The following KIF19 variants were observed in gnomAD, a reference collection of about 807,000 sequenced individuals.
KIF19 encodes the protein kinesin family member 19.
A neutral mutation model predicts 106.6 loss-of-function variants in KIF19; 98 were observed. That is an observed-to-expected ratio of 0.92 (90% CI 0.78 to 1.09). The LOEUF (loss-of-function observed/expected upper bound fraction) is 1.09, where lower values mean the gene tolerates loss of function less well. Ranked by LOEUF, KIF19 falls within the 50% of genes least tolerant of loss-of-function variation. KIF19 has a pLI of 0.00. For synonymous variants in KIF19, 516 were observed against 584.2 expected, an observed-to-expected ratio of 0.88 and a Z score of 1.68; for missense variants, 1,373 against 1,414.3, an observed-to-expected ratio of 0.97 and a Z score of 0.47.
rs2054525981 is a variant in KIF19, at chr17:74,346,218, C to A, written c.778-160C>A. On this transcript the variant is annotated intron_variant, in intron 7 of 19. Coordinates refer to ENST00000389916, the MANE Select transcript of KIF19 (RefSeq NM_153209.4). This position sits in a 1 kb window ranked among gnomAD's most constrained non-coding sequence, Gnocchi z 4.6. ...TTCAGAGGCCTCTGGGTCTCTTAAC[C>A]TTCTCCAATGCCCTCAGTGGCCTTG... Among the ~76,000 whole-genome samples the A allele has an allele frequency of 6.6e-6, 1 of 152,248 alleles. No homozygotes were observed. Among genetic ancestry groups the A allele is most frequent in the Non-Finnish European group, 1.5e-5 (1 of 68,048 alleles).
intron 2 of KIF19, among the ~76,000 whole-genome samples, chr17:74,332,179 AGTGTGT>A (rs1270595840): frequency 2.5e-5 from 3 of 117,708 alleles, no homozygotes; most frequent in Non-Finnish European, 3.7e-5. Flanking sequence ...TGAACACCTC[AGTGTGT>A]GTGTGTGTGT....
intron 2 of KIF19, among the ~76,000 whole-genome samples, chr17:74,330,545 G>A (rs924467111): frequency 5.9e-5 from 9 of 152,190 alleles, no homozygotes; most frequent in East Asian, 5.8e-4. Context: ...TCAGGTCCTC[G>A]GGGTTGGGAC....
intron 1 of KIF19, 58 bp downstream of exon 1, chr17:74,326,446 TC>T: frequency 6.5e-7 from 1 of 1,548,162 alleles, no homozygotes; most frequent in Non-Finnish European, 8.9e-7. Flanking sequence ...TCAGTCGGCC[TC>T]CAGCGACAGA....
chr17:74,349,241 G>C lies in KIF19; in HGVS notation c.1105G>C (p.Ala369Pro). Residue 369 changes from alanine to proline, a missense_variant, in exon 10 of 20, where the codon GCT becomes CCT. By Grantham distance (27) the Ala-to-Pro change is conservative (BLOSUM62 -1). Transcript: ENST00000389916. ...CATCGCCCAGTACACCAGCATCATC[G>C]CTGACCTGCGGGGCGAGATCCAGCG... ...YHIAQYTSII[A>P]DLRGEIQRLK... 6.2e-7 allele frequency: 1 copy of C among 1,613,714 alleles called. No homozygotes were observed.
rs142434865 is a variant in KIF19 at position 74,341,898 on chromosome 17, T to C, written c.143T>C (p.Met48Thr). The C allele has an allele frequency of 1.2e-6, 2 of 1,613,548 alleles. No homozygotes were observed. Among genetic ancestry groups the C allele is most frequent in the Non-Finnish European group, 1.7e-6 (2 of 1,179,788 alleles). The change falls in exon 3 of 20, where the codon ATG (methionine) becomes ACG (threonine). Residue 48 changes from methionine to threonine, a missense_variant. Physicochemically the swap from Met to Thr is moderately conservative, Grantham distance 81. This residue lies in a region of KIF19 where 348 missense variants were observed against 389.5 expected (regional missense o/e 0.89). Transcript: ENST00000389916. ...DEQMVVLMDP[M>T]EDPDDILRAH... ...CAGATGGTGGTTCTCATGGACCCAA[T>C]GGAGGATCCCGACGACATCCTGCGG... is the stretch of plus-strand genomic sequence containing the variant.
At position 74,354,156 on chromosome 17, in the gene KIF19, C is replaced by T. The variant is rs2054803284; in HGVS notation, c.2309-6C>T. 2 of 1,600,424 alleles carry T rather than the reference C, an allele frequency of 1.2e-6. No homozygotes were observed. Among genetic ancestry groups the T allele is most frequent in the African/African-American group, 1.3e-5 (1 of 74,844 alleles). On this transcript the variant is annotated splice_region_variant and splice_polypyrimidine_tract_variant and intron_variant, in intron 17 of 19. Coordinates refer to ENST00000389916, the MANE Select transcript of KIF19 (RefSeq NM_153209.4). ...CGGGTTGTATGTTCCCCGTGTCCCG[C>T]TGCAGAGAGGAAGGAGATCCTGACT...
chr17:74,351,106 C>T (rs2054689384), intron 12 of KIF19: 3 of 606,718 alleles, frequency 4.9e-6, no homozygotes, highest in Admixed American at 5.4e-5. Context: ...GTCCATGGTG[C>T]AGCCCTCATG....
chr17:74,327,396 C>T (rs558302256), intron 1 of KIF19, among the ~76,000 whole-genome samples: 5 of 152,242 alleles, frequency 3.3e-5, no homozygotes, highest in African/African-American at 4.8e-5. Flanking sequence ...CCTCCCCTCC[C>T]GCCAGTGGAA....
At chr17:74,338,928 C>T (rs1422414751) in intron 2 of KIF19, among the ~76,000 whole-genome samples, 1 of 151,908 alleles carries the variant, frequency 6.6e-6, no homozygotes, top group Non-Finnish European at 1.5e-5. Flanking sequence ...GTTCCCAAGC[C>T]CTTTTTGGGA....
At chr17:74,353,351 G>C in intron 16 of KIF19, 50 bp downstream of exon 16, 1 of 1,488,084 alleles carries the variant, frequency 6.7e-7, no homozygotes, top group Non-Finnish European at 9.2e-7. Flanking sequence ...CAGCGGGTGC[G>C]GGACATGGGG....
At position 74,342,591 on chromosome 17, in the gene KIF19, G is replaced by A. The variant is rs746932945; in HGVS notation, c.232-39G>A. The A allele has an allele frequency of 1.3e-5, 20 of 1,537,412 alleles. No homozygotes were observed. The East Asian group carries it at 2.0e-4, about 16-fold the overall frequency. ...CCAGTGGGTGCCTGTGCTGTGCCCC[G>A]CCTGTGTCCCGGCCCCTGACAGGCT... is the stretch of plus-strand genomic sequence containing the variant. On this transcript the variant is annotated intron_variant, in intron 3 of 19. Transcript: ENST00000389916.
In KIF19 at chr17:74,346,507, C is replaced by T. The variant is rs1423216860; in HGVS notation, c.907C>T (p.Leu303Phe). The T allele has an allele frequency of 5.2e-6, 8 of 1,551,088 alleles. No homozygotes were observed. The highest frequency in any genetic ancestry group is 5.2e-6 in the Non-Finnish European group (6 of 1,146,968). Reference protein sequence around the residue: ...NKYINYRDSKLTRLLKDSLGG... With the variant: ...NKYINYRDSKFTRLLKDSLGG... The stretch of plus-strand genomic sequence containing the variant: ...GTACATCAACTATCGCGACAGCAAG[C>T]TCACCCGGCTCCTGAAGGTACCAGC... Residue 303 changes from leucine to phenylalanine, a missense_variant, in exon 8 of 20, where the codon CTC becomes TTC. By Grantham distance (22) the Leu-to-Phe change is conservative (BLOSUM62 0). This residue lies in a region of KIF19 where 1,020 missense variants were observed against 1,008.2 expected (regional missense o/e 1.01). Transcript: ENST00000389916. The surrounding 1 kb of genome is among the most constrained non-coding windows in gnomAD (Gnocchi z 4.6).
chr17:74,354,777 C>G lies in KIF19; in HGVS notation c.2707-5C>G, dbSNP rs1448631294. ...CGGCCTCACCCCACTGTTCAACCAT[C>G]ACAGCTCTCCCACCCCAAGACACAC... On this transcript the variant is annotated splice_region_variant and splice_polypyrimidine_tract_variant and intron_variant, in intron 18 of 19. Coordinates refer to ENST00000389916, the MANE Select transcript of KIF19 (RefSeq NM_153209.4). 1.9e-6 allele frequency: 3 copies of G among 1,554,210 alleles called. No individual in the cohort carries two copies. Among genetic ancestry groups the G allele is most frequent in the Non-Finnish European group, 2.6e-6 (3 of 1,148,218 alleles).
Position 74,350,910 on chromosome 17 carries a change from C to G in KIF19, c.1587+5C>G. On this transcript the variant is annotated splice_donor_5th_base_variant and intron_variant, in intron 12 of 19. Transcript: ENST00000389916. The stretch of plus-strand genomic sequence containing the variant: ...AAGCAACTGCGCAAGCAGAAGGTGT[C>G]CAGGGTTTGGGGGGACAAGGAGAGT... 6.2e-7 allele frequency: 1 copy of G among 1,613,228 alleles called. No individual in the cohort carries two copies. Among genetic ancestry groups the G allele is most frequent in the Non-Finnish European group, 8.5e-7 (1 of 1,179,842 alleles).
rs759059040 is a variant in KIF19, at chr17:74,344,295, G to C, written c.529G>C (p.Gly177Arg). The stretch of plus-strand genomic sequence containing the variant: ...CCTGGAGCTGCGGGAGGACTCTAAG[G>C]GGGTGATCCAGGTGGCCGGCATCAC... ...GYLELREDSK[G>R]VIQVAGITEV... The change falls in exon 6 of 20, where the codon GGG becomes CGG. Residue 177 changes from glycine to arginine, a missense_variant. By Grantham distance (125) the Gly-to-Arg change is moderately radical (BLOSUM62 -2). This residue lies in a region of KIF19 where 348 missense variants were observed against 389.5 expected (regional missense o/e 0.89). Coordinates refer to ENST00000389916, the MANE Select transcript of KIF19 (RefSeq NM_153209.4). 19 of 1,612,182 alleles carry C rather than the reference G, an allele frequency of 1.2e-5. No individual in the cohort carries two copies. The highest frequency in any genetic ancestry group is 4.2e-6 in the Non-Finnish European group (5 of 1,179,282).
At chr17:74,339,045 C>A (rs913608690) in intron 2 of KIF19, among the ~76,000 whole-genome samples, 1 of 151,974 alleles carries the variant, frequency 6.6e-6, no homozygotes, top group East Asian at 1.9e-4. Context: ...GTACCCTGCC[C>A]GCTGTTAGGA....
At chr17:74,345,058 G>C (rs896051717) in intron 7 of KIF19, 103 bp downstream of exon 7, 1 of 1,150,868 alleles carries the variant, frequency 8.7e-7, no homozygotes, top group Admixed American at 2.4e-5. Flanking sequence ...CACAGGAACA[G>C]GGGAGACAGG....
At chr17:74,349,025 G>C (rs2054611939) in intron 9 of KIF19, 159 bp from the exon 10 acceptor site, 1 of 676,168 alleles carries the variant, frequency 1.5e-6, no homozygotes, top group Non-Finnish European at 2.5e-6. Context: ...AGATCTAGCA[G>C]TGAGTGTGAC....
chr17:74,344,191 TTCCCCCACCCC>T (rs2054462665), intron 5 of KIF19, 21 bp from the exon 6 acceptor site: 4 of 1,591,304 alleles, frequency 2.5e-6, no homozygotes, highest in African/African-American at 1.4e-5. Context: ...TTAGTCTCCC[TTCCCCCACCCC>T]TCCCCCACCT....
Sources: gnomAD v4.1 joint callset for allele counts (sites outside exome capture counted in the v4.1 genomes callset) on GRCh38, gnomAD v4.1.1 for gene constraint, gnomAD v4.1.1 regional missense constraint, Gnocchi (gnomAD v3.1) non-coding constraint, MANE v1.5 for transcripts, NCBI Gene and HGNC (gene_info 2026-07-23, HGNC 2026-07-21) for gene names.